The following SUCLA2 variants were observed in gnomAD, a reference collection of about 807,000 sequenced individuals.
The protein encoded by SUCLA2 is succinate--CoA ligase [ADP-forming] subunit beta, mitochondrial.
In SUCLA2, 30 loss-of-function variants were observed where a neutral mutation model predicts 54.8. That is an observed-to-expected ratio of 0.55 (90% CI 0.41 to 0.74). The LOEUF is 0.74. Ranked by LOEUF, SUCLA2 falls within the 30% of genes least tolerant of loss-of-function variation. The pLI is 0.00. For missense variants in SUCLA2, 476 were observed against 562.9 expected, an observed-to-expected ratio of 0.85 and a Z score of 1.56; for synonymous variants, 172 against 188.9, an observed-to-expected ratio of 0.91 and a Z score of 0.74.
At chr13:47,949,435 G>A in intron 9 of SUCLA2, 48 bp downstream of exon 9, 7 of 1,607,700 alleles carry the variant, frequency 4.4e-6, no homozygotes, top group African/African-American at 1.3e-5. Flanking sequence ...ATGGAAATGT[G>A]AACTTTTAAA....
chr13:47,986,355 G>A (rs983691833), intron 4 of SUCLA2, among the ~76,000 whole-genome samples: 1 of 152,052 alleles, frequency 6.6e-6, no homozygotes, highest in African/African-American at 2.4e-5. Flanking sequence ...AGAAGTGTCT[G>A]TTCATGTACT....
rs540693810 is a variant in SUCLA2 at position 47,954,473 on chromosome 13, T to C, written c.887A>G (p.Gln296Arg). 2 of 1,614,004 alleles carry C rather than the reference T, an allele frequency of 1.2e-6. No individual in the cohort carries two copies. Among genetic ancestry groups the C allele is most frequent in the South Asian group, 2.2e-5 (2 of 91,078 alleles). ...KKIFDLQDWT[Q>R]EDERDKDAAK... ...AGCATCTTTGTCCCTTTCATCTTCC[T>C]GGGTCCAGTCCTGTAGATCAAAGAT... The change falls in exon 7 of 11, where the codon CAG becomes CGG. Residue 296 changes from glutamine (Q) to arginine (R), a missense_variant. This residue lies in a region of SUCLA2 where 342 missense variants were observed against 444.2 expected (regional missense o/e 0.77). Transcript: ENST00000646932.
At chr13:47,975,771 G>T (rs8002322) in intron 4 of SUCLA2, among the ~76,000 whole-genome samples, 138,118 of 152,230 alleles carry the variant, frequency 0.91, 62,753 homozygotes, top group East Asian at 0.98. Flanking sequence ...TAGTTGATGC[G>T]ACCAAGGAGC....
chr13:48,000,402 C>T (rs1950221096), intron 1 of SUCLA2, among the ~76,000 whole-genome samples: 1 of 152,300 alleles, frequency 6.6e-6, no homozygotes, highest in South Asian at 2.1e-4. Flanking sequence ...TGACCTAGTC[C>T]AAATTACTTG....
At chr13:47,961,055 G>T (rs1370770938) in intron 6 of SUCLA2, among the ~76,000 whole-genome samples, 1 of 152,144 alleles carries the variant, frequency 6.6e-6, no homozygotes, top group Admixed American at 6.6e-5. Flanking sequence ...TTGGAGCACT[G>T]ATATGCTCTT....
intron 6 of SUCLA2, chr13:47,965,519 A>C (rs1405925165): frequency 2.5e-6 from 1 of 396,280 alleles, no homozygotes; most frequent in Non-Finnish European, 4.4e-6. Context: ...AAACAAACAA[A>C]AAAAAAAAAC....
chr13:47,971,090 G>A (rs9316339), intron 5 of SUCLA2, among the ~76,000 whole-genome samples: 110,885 of 151,926 alleles, frequency 0.73, 41,386 homozygotes, highest in Non-Finnish European at 0.82. Context: ...GTTTAACTTC[G>A]AAGTCCAATA....
At chr13:47,958,631 TAGA>T (rs1200159849) in intron 6 of SUCLA2, among the ~76,000 whole-genome samples, 4 of 152,220 alleles carry the variant, frequency 2.6e-5, no homozygotes, top group Non-Finnish European at 4.4e-5. Context: ...GGGTTTGGCA[TAGA>T]AGGTTATAAA....
chr13:47,948,894 G>T (rs368943315), intron 10 of SUCLA2, 46 bp downstream of exon 10: 2 of 1,545,484 alleles, frequency 1.3e-6, no homozygotes, highest in African/African-American at 1.4e-5. Context: ...GTTCATTTTA[G>T]AATCTGTGTT....
At chr13:47,958,877 A>T (rs1949843540) in intron 6 of SUCLA2, among the ~76,000 whole-genome samples, 1 of 152,230 alleles carries the variant, frequency 6.6e-6, no homozygotes, top group African/African-American at 2.4e-5. Flanking sequence ...TAAACTGTTT[A>T]AAATGAAAGA....
chr13:47,970,109 C>CAA (rs34021393), intron 5 of SUCLA2, among the ~76,000 whole-genome samples: 6 of 140,176 alleles, frequency 4.3e-5, no homozygotes, highest in Non-Finnish European at 4.6e-5. Flanking sequence ...CTCCCCCCCA[C>CAA]AAAAAAAAAA....
chr13:47,963,349 AAC>A (rs763825000), intron 6 of SUCLA2, among the ~76,000 whole-genome samples: 1 of 152,246 alleles, frequency 6.6e-6, no homozygotes, highest in Non-Finnish European at 1.5e-5. Context: ...GATTTTTAAA[AAC>A]ACAGATAGAA....
chr13:47,972,582 T>C (rs1314587097), intron 5 of SUCLA2, among the ~76,000 whole-genome samples: 1 of 149,904 alleles, frequency 6.7e-6, no homozygotes, highest in Non-Finnish European at 1.5e-5. Flanking sequence ...AACAGGAGAA[T>C]TGCTTGATCC....
At chr13:47,968,909 A>T (rs1949939931) in intron 5 of SUCLA2, among the ~76,000 whole-genome samples, 176 bp from the exon 6 acceptor site, 1 of 152,202 alleles carries the variant, frequency 6.6e-6, no homozygotes, top group Non-Finnish European at 1.5e-5. Flanking sequence ...TTTTATTCAA[A>T]ATCTTCAAAA....
Position 47,999,710 on chromosome 13 carries a change from GAA to G in SUCLA2, c.90+1468_90+1469del, listed in dbSNP as rs11346941. Among the ~76,000 whole-genome samples, 337 of 143,884 alleles carry G rather than the reference GAA, an allele frequency of 2.3e-3. 1 individual carries two copies. Among genetic ancestry groups the G allele is most frequent in the Middle Eastern group, 3.6e-3 (1 of 280 alleles). 94.4% of individuals were successfully genotyped at this position (143,884 alleles called of 152,430 possible). A position where few individuals can be genotyped will look rare whatever the true frequency, so the allele number is the denominator to read the frequency against. Reference sequence around the variant, plus strand: ...CGACAGAGCAAGACTCCGTCTCAAGGAAAAAAAAAAAAAAATGTGGAAAACAA... The same window carrying G: ...CGACAGAGCAAGACTCCGTCTCAAGGAAAAAAAAAAAAATGTGGAAAACAA... On this transcript the variant is annotated intron_variant, in intron 1 of 10. Coordinates refer to ENST00000646932, the MANE Select transcript of SUCLA2 (RefSeq NM_003850.3).
At chr13:47,998,755 TAA>T (rs1421435018) in intron 1 of SUCLA2, among the ~76,000 whole-genome samples, 2 of 152,176 alleles carry the variant, frequency 1.3e-5, no homozygotes, top group East Asian at 3.8e-4. Flanking sequence ...GGAGTATTGA[TAA>T]GAGAGAGGAC....
intron 1 of SUCLA2, among the ~76,000 whole-genome samples, chr13:48,000,661 G>T (rs1178306664): frequency 6.6e-6 from 1 of 152,212 alleles, no homozygotes; most frequent in African/African-American, 2.4e-5. Flanking sequence ...TTAACAAGTA[G>T]AACAGTATAC....
Position 47,949,600 on chromosome 13 carries a change from G to C in SUCLA2, c.1111C>G (p.Leu371Val). 1 of 1,613,282 alleles carries C rather than the reference G, an allele frequency of 6.2e-7. No individual in the cohort carries two copies. Among genetic ancestry groups the C allele is most frequent in the Non-Finnish European group, 8.5e-7 (1 of 1,179,440 alleles). The change falls in exon 9 of 11, where the codon CTG (leucine) becomes GTG (valine). Residue 371 changes from leucine (L) to valine (V), a missense_variant. Leu to Val is a conservative substitution (Grantham distance 32, BLOSUM62 1). This residue lies in a region of SUCLA2 where 342 missense variants were observed against 444.2 expected (regional missense o/e 0.77). Coordinates refer to ENST00000646932, the MANE Select transcript of SUCLA2 (RefSeq NM_003850.3). ...CCAAAAATGTTGACCAGAATAGCCA[G>C]TACCTATGAATAAAGTGTTCTGATA... Reference protein sequence around the residue: ...FKLITSDKKVLAILVNIFGGI... With the variant: ...FKLITSDKKVVAILVNIFGGI...
intron 8 of SUCLA2, among the ~76,000 whole-genome samples, chr13:47,953,727 C>T (rs80063149): frequency 0.063 from 9,560 of 152,076 alleles, 357 homozygotes; most frequent in Middle Eastern, 0.095. Context: ...GGTTTAAATC[C>T]AGTAAGAATA....
Sources: allele counts gnomAD v4.1 joint callset (sites outside exome capture counted in the v4.1 genomes callset), GRCh38; gene constraint gnomAD v4.1.1; regional missense constraint gnomAD v4.1.1; transcripts MANE v1.5; gene names NCBI Gene and HGNC (gene_info 2026-07-23, HGNC 2026-07-21).